The following ANO7 variants were observed in gnomAD, a reference collection of about 807,000 sequenced individuals.
ANO7 encodes the protein anoctamin-7.
A neutral mutation model predicts 115.8 loss-of-function variants in ANO7; 114 were observed. The ratio of observed to expected loss-of-function variants is 0.98; its 90% CI spans 0.85 to 1.15. The LOEUF is 1.15. ANO7 is among the 50% of genes most tolerant of loss of function. ANO7 has a pLI of 0.00. For synonymous variants in ANO7, 550 were observed against 498.2 expected (o/e 1.10, Z -1.38); for missense variants, 1,302 against 1,201.2 (o/e 1.08, Z -1.24).
At chr2:241,235,670 C>T in the ANO7 span, 2 of 997,942 alleles carry the variant, frequency 2.0e-6, no homozygotes, top group Non-Finnish European at 3.1e-6. Flanking sequence ...AATGGGGCTC[C>T]ACGAAACACA....
chr2:241,216,082 C>T lies in ANO7; in HGVS notation c.1827-11C>T, dbSNP rs1477814450. 1.3e-6 allele frequency: 2 copies of T among 1,597,670 alleles called. No homozygotes were observed. The highest frequency in any genetic ancestry group is 2.2e-5 in the East Asian group (1 of 44,810). On this transcript the variant is annotated splice_polypyrimidine_tract_variant and intron_variant, in intron 18 of 24. Transcript: ENST00000674324. ...GGATCAAAGGCCATTTTCCTGTATT[C>T]CCGTCCCCAGGAAGCTAAAGGGCTG... is the stretch of plus-strand genomic sequence containing the variant.
In ANO7 at chr2:241,190,805, C is replaced by T. The variant is rs181918610; in HGVS notation, c.109-389C>T. Reference sequence around the variant, plus strand: ...GCCATGGCCAACTCTGTCCTCAGGGCCCCTTTGGGAGCAGTCCGGCTCCCC... The same window carrying T: ...GCCATGGCCAACTCTGTCCTCAGGGTCCCTTTGGGAGCAGTCCGGCTCCCC... On this transcript the variant is annotated intron_variant, in intron 2 of 24. Coordinates refer to ENST00000674324, the MANE Select transcript of ANO7 (RefSeq NM_001370694.2). Among the ~76,000 whole-genome samples, 181 of 152,360 alleles carry T rather than the reference C, an allele frequency of 1.2e-3. 1 individual carries two copies. Among genetic ancestry groups the T allele is most frequent in the African/African-American group, 3.9e-3 (164 of 41,590 alleles).
Position 241,210,571 on chromosome 2 carries a change from G to T in ANO7, c.1561+1G>T. The stretch of plus-strand genomic sequence containing the variant: ...CTGGCCCACGTCCTGACACGATGGG[G>T]TGAGTGGGCTGAGGCCGGCCAGGCA... On this transcript the variant is annotated splice_donor_variant, in intron 15 of 24. Coordinates refer to ENST00000674324, the MANE Select transcript of ANO7 (RefSeq NM_001370694.2). LOFTEE classifies it high-confidence loss of function. The T allele has an allele frequency of 6.2e-7, 1 of 1,613,270 alleles. No homozygotes were observed. The highest frequency in any genetic ancestry group is 2.2e-5 in the East Asian group (1 of 44,880).
rs370163261 is a variant in ANO7 at position 241,209,582 on chromosome 2, G to T, written c.1306G>T (p.Glu436Ter). ...ITGEDEPYFPERSRARRMLAG... is the reference protein window; with the variant it reads ...ITGEDEPYFP ...GGGTGAGGACGAGCCCTACTTCCCT[G>T]AGAGGAGCCGCGCGCGCCGCATGCT... The change falls in exon 13 of 25, where the codon GAG becomes TAG. Residue 436 changes from glutamate to a stop codon, truncating the protein, a stop_gained. Transcript: ENST00000674324. LOFTEE classifies it high-confidence loss of function. 6.4e-5 allele frequency: 102 copies of T among 1,603,200 alleles called. No homozygotes were observed. In the East Asian group the frequency reaches 9.2e-4, roughly 14 times the overall value.
chr2:241,191,092 C>A, intron 2 of ANO7, 102 bp from the exon 3 acceptor site: 1 of 1,209,146 alleles, frequency 8.3e-7, no homozygotes, highest in Non-Finnish European at 1.2e-6. Context: ...AGGGCGGGGA[C>A]GGGTTGGAGG....
chr2:241,219,627 C>T (rs1326801788), intron 21 of ANO7, among the ~76,000 whole-genome samples: 1 of 151,498 alleles, frequency 6.6e-6, no homozygotes, highest in African/African-American at 2.4e-5. Flanking sequence ...GAATGCACTG[C>T]CACAATTATA....
In ANO7 at chr2:241,203,467, G is replaced by C; in HGVS notation, c.858G>C (p.Gly286=). ...QPLDHVRRYF[G]EKVALYFAWL... is the part of the protein sequence containing the mutation. ...TGGACCACGTGCGCAGGTACTTCGGGGAGAAGGTGGCCCTCTACTTCGCCT... is the reference window on the plus strand; with the variant it reads ...TGGACCACGTGCGCAGGTACTTCGGCGAGAAGGTGGCCCTCTACTTCGCCT... Residue 286 remains glycine, a synonymous_variant, in exon 9 of 25, where the codon GGG becomes GGC. Transcript: ENST00000674324. This position sits in a 1 kb window ranked among gnomAD's most constrained non-coding sequence, Gnocchi z 4.8. 1 of 1,561,034 alleles carries C rather than the reference G, an allele frequency of 6.4e-7. No individual in the cohort carries two copies. The highest frequency in any genetic ancestry group is 8.7e-7 in the Non-Finnish European group (1 of 1,154,572).
chr2:241,237,699 A>G, the ANO7 span, among the ~76,000 whole-genome samples: 1 of 149,992 alleles, frequency 6.7e-6, no homozygotes, highest in African/African-American at 2.5e-5. Context: ...ATAAAGGGAC[A>G]TGTCTAAAAA....
At chr2:241,202,892 C>T (rs148179946) in intron 8 of ANO7, among the ~76,000 whole-genome samples, 20 of 152,328 alleles carry the variant, frequency 1.3e-4, no homozygotes, top group East Asian at 1.2e-3. Context: ...CCTGCCCCAA[C>T]GCCGTCATGA....
rs2149241846 is a variant in ANO7, at chr2:241,214,741, G to C, written c.1729-64G>C. 2.0e-6 allele frequency: 3 copies of C among 1,480,216 alleles called. No individual in the cohort carries two copies. In the East Asian group the frequency reaches 6.8e-5, roughly 34 times the overall value. The allele number at this position is 1,480,216 out of a possible 1,614,324, so 91.7% of individuals were successfully genotyped here. On this transcript the variant is annotated intron_variant, in intron 17 of 24. Coordinates refer to ENST00000674324, the MANE Select transcript of ANO7 (RefSeq NM_001370694.2). ...GGGATGAGGGCCAGCTTTGAGACAAGAAGGGATGCGTGGGTGAGTGGCTGG... is the reference window on the plus strand; with the variant it reads ...GGGATGAGGGCCAGCTTTGAGACAACAAGGGATGCGTGGGTGAGTGGCTGG...
At chr2:241,212,668 G>A (rs1488495224) in intron 17 of ANO7, 42 bp downstream of exon 17, 1 of 1,577,270 alleles carries the variant, frequency 6.3e-7, no homozygotes, top group Non-Finnish European at 8.6e-7. Context: ...TGAGCTGTGT[G>A]CTTCCTCTCA....
At chr2:241,201,460 G>A in intron 7 of ANO7, 105 bp downstream of exon 7, 2 of 1,295,866 alleles carry the variant, frequency 1.5e-6, no homozygotes, top group Non-Finnish European at 2.1e-6. Context: ...TGAGACCAGA[G>A]GGCCGAGGCC....
chr2:241,204,284 T>C (rs1241832779), intron 9 of ANO7, among the ~76,000 whole-genome samples: 2 of 152,140 alleles, frequency 1.3e-5, no homozygotes, highest in African/African-American at 4.8e-5. Flanking sequence ...CAGCAGTCAC[T>C]TTGGCCAGCA....
At chr2:241,199,462 C>T (rs2068418304) in intron 5 of ANO7, 39 bp downstream of exon 5, 8 of 1,599,038 alleles carry the variant, frequency 5.0e-6, no homozygotes, top group African/African-American at 1.3e-5. Context: ...GCCTGGAGGT[C>T]CCGGTCCCCA....
rs766261277 is a variant in ANO7 at position 241,223,201 on chromosome 2, G to A, written c.2337G>A (p.Arg779=). ...HNRTCRYRAF[R]DDDGHYSQTY... is the part of the protein sequence containing the mutation. ...TCTGCTGCAGGTATCGGGCTTTCCGGGATGACGATGGACATTATTCCCAGA... is the reference window on the plus strand; with the variant it reads ...TCTGCTGCAGGTATCGGGCTTTCCGAGATGACGATGGACATTATTCCCAGA... The change falls in exon 22 of 25, where the codon CGG becomes CGA. Residue 779 remains arginine (R), a synonymous_variant. Coordinates refer to ENST00000674324, the MANE Select transcript of ANO7 (RefSeq NM_001370694.2). 6.2e-7 allele frequency: 1 copy of A among 1,614,172 alleles called. No individual in the cohort carries two copies. The highest frequency in any genetic ancestry group is 8.5e-7 in the Non-Finnish European group (1 of 1,180,004).
In ANO7 at chr2:241,223,173, G is replaced by A. The variant is rs970572191; in HGVS notation, c.2322-13G>A. The A allele has an allele frequency of 6.2e-7, 1 of 1,613,510 alleles. No individual in the cohort carries two copies. Among genetic ancestry groups the A allele is most frequent in the Non-Finnish European group, 8.5e-7 (1 of 1,179,520 alleles). On this transcript the variant is annotated splice_polypyrimidine_tract_variant and intron_variant, in intron 21 of 24. Coordinates refer to ENST00000674324, the MANE Select transcript of ANO7 (RefSeq NM_001370694.2). ...GCCCTGGCTGCGCGCACTGAGTCCT[G>A]TGTCTGCTGCAGGTATCGGGCTTTC...
Position 241,209,784 on chromosome 2 carries a change from G to T in ANO7, c.1359+149G>T, listed in dbSNP as rs550305514. 4.3e-4 allele frequency: 527 copies of T among 1,222,434 alleles called. 3 individuals carry two copies. The highest frequency in any genetic ancestry group is 8.7e-4 in the Middle Eastern group (3 of 3,464). The allele number at this position is 1,222,434 out of a possible 1,614,324, so 75.7% of individuals were successfully genotyped here. Reference sequence around the variant, plus strand: ...CCCGCAGAGAGGCCCCCATGTGCCCGGGCTCGGCCGTGGGGTCCCGGCTGA... The same window carrying T: ...CCCGCAGAGAGGCCCCCATGTGCCCTGGCTCGGCCGTGGGGTCCCGGCTGA... On this transcript the variant is annotated intron_variant, in intron 13 of 24. Transcript: ENST00000674324.
chr2:241,196,462 C>T (rs751670224), intron 4 of ANO7, among the ~76,000 whole-genome samples: 19 of 152,236 alleles, frequency 1.2e-4, no homozygotes, highest in Admixed American at 2.0e-4. Flanking sequence ...CTGCCCTCCT[C>T]TGACCACCTT....
intron 7 of ANO7, among the ~76,000 whole-genome samples, chr2:241,201,594 A>G (rs1420292658): frequency 1.3e-5 from 2 of 152,240 alleles, no homozygotes; most frequent in African/African-American, 2.4e-5. Context: ...CCAGGGCTCA[A>G]AATAGATATT....
Sources: gnomAD v4.1 joint callset for allele counts (sites outside exome capture counted in the v4.1 genomes callset) on GRCh38, gnomAD v4.1.1 for gene constraint, Gnocchi (gnomAD v3.1) non-coding constraint, MANE v1.5 for transcripts, NCBI Gene and HGNC (gene_info 2026-07-23, HGNC 2026-07-21) for gene names.